Variants in EPS15 observed in about 807,000 individuals in gnomAD.
EPS15 encodes the protein epidermal growth factor receptor substrate 15.
In EPS15, 72 loss-of-function variants were observed where a neutral mutation model predicts 113.8. The observed-to-expected ratio is 0.63, with a 90% CI of 0.52 to 0.77. EPS15 has a LOEUF of 0.77. EPS15 is among the 30% of genes least tolerant of loss of function. The pLI is 0.00. For missense variants in EPS15, 1,048 were observed against 1,045.8 expected, an observed-to-expected ratio of 1.00 and a Z score of -0.03; for synonymous variants, 344 against 363.4, an observed-to-expected ratio of 0.95 and a Z score of 0.61.
intron 13 of EPS15, among the ~76,000 whole-genome samples, chr1:51,420,896 T>G (rs1425173141): frequency 2.0e-5 from 3 of 152,142 alleles, no homozygotes; most frequent in Non-Finnish European, 4.4e-5. Flanking sequence ...TTAGAGTTTT[T>G]CCCTACTTAA....
chr1:51,397,435 G>A (rs1648060040), intron 20 of EPS15, among the ~76,000 whole-genome samples: 1 of 152,146 alleles, frequency 6.6e-6, no homozygotes, highest in Non-Finnish European at 1.5e-5. Flanking sequence ...CAGGACAAGA[G>A]GAATGTATTC....
chr1:51,489,796 C>T (rs1644198475), intron 1 of EPS15, among the ~76,000 whole-genome samples: 1 of 152,098 alleles, frequency 6.6e-6, no homozygotes, highest in African/African-American at 2.4e-5. Flanking sequence ...GCTTCAACAG[C>T]TATTGTGTGT....
intron 12 of EPS15, among the ~76,000 whole-genome samples, chr1:51,424,331 A>G (rs1651025350): frequency 1.3e-5 from 2 of 152,158 alleles, no homozygotes; most frequent in Non-Finnish European, 2.9e-5. Context: ...CTTTATAACT[A>G]TTCTTCTCAT....
intron 21 of EPS15, among the ~76,000 whole-genome samples, chr1:51,375,645 C>T (rs921057027): frequency 2.0e-5 from 3 of 152,186 alleles, no homozygotes; most frequent in African/African-American, 7.2e-5. Context: ...ATACATATCT[C>T]TTTTTCCCCA....
intron 1 of EPS15, among the ~76,000 whole-genome samples, chr1:51,507,203 T>A (rs533989532): frequency 3.3e-5 from 5 of 152,138 alleles, no homozygotes; most frequent in South Asian, 2.1e-4. Flanking sequence ...CAGAAAAAAA[T>A]TTATCAAATG....
chr1:51,487,356 ATT>A (rs1644144296), intron 1 of EPS15, among the ~76,000 whole-genome samples: 1 of 152,174 alleles, frequency 6.6e-6, no homozygotes, highest in South Asian at 2.1e-4. Flanking sequence ...TGTTTTAGAA[ATT>A]GTTTTTGAAA....
chr1:51,445,256 A>G (rs1320177537), intron 10 of EPS15, among the ~76,000 whole-genome samples: 1 of 152,238 alleles, frequency 6.6e-6, no homozygotes, highest in Non-Finnish European at 1.5e-5. Flanking sequence ...GGTGCTGAGC[A>G]GGAGCCTCTA....
chr1:51,419,287 A>C (rs1392663504), intron 13 of EPS15, among the ~76,000 whole-genome samples: 1 of 152,188 alleles, frequency 6.6e-6, no homozygotes, highest in African/African-American at 2.4e-5. Context: ...AATCCTAAAC[A>C]GAAAGTTTTC....
At chr1:51,451,256 A>G (rs1490409621) in intron 8 of EPS15, among the ~76,000 whole-genome samples, 1 of 151,838 alleles carries the variant, frequency 6.6e-6, no homozygotes, top group African/African-American at 2.4e-5. Context: ...TGGGAGGCTG[A>G]GGTGGGTGGA....
chr1:51,405,197 T>A (rs998065902), intron 16 of EPS15, among the ~76,000 whole-genome samples: 1 of 152,214 alleles, frequency 6.6e-6, no homozygotes, highest in South Asian at 2.1e-4. Context: ...TGTAGGCTGC[T>A]TGAAGGAAAG....
In EPS15 at chr1:51,361,231, A is replaced by C. The variant is rs750299817; in HGVS notation, c.2484T>G (p.Thr828=). 6.2e-7 allele frequency: 1 copy of C among 1,614,088 alleles called. No individual in the cohort carries two copies. Among genetic ancestry groups the C allele is most frequent in the South Asian group, 1.1e-5 (1 of 91,078 alleles). ...CTTTATTGGTAGTGGTAGTAGCAGA[A>C]GTGAATGGATCACAAAATATTTCAG... The part of the protein sequence containing the change: ...KDPEIFCDPF[T]SATTTTNKEA... Residue 828 remains threonine (T), a synonymous_variant, in exon 24 of 25, where the codon ACT becomes ACG. Transcript: ENST00000371733.
intron 3 of EPS15, 102 bp downstream of exon 3, chr1:51,472,757 C>T (rs1423648875): frequency 1.8e-5 from 16 of 867,928 alleles, no homozygotes; most frequent in Non-Finnish European, 2.8e-5. Context: ...TCGGTTCTAA[C>T]TTCTAAATTT....
chr1:51,428,506 TAC>T (rs1261303973), intron 12 of EPS15, among the ~76,000 whole-genome samples: 2 of 152,132 alleles, frequency 1.3e-5, no homozygotes. Flanking sequence ...GGAGTTCTGA[TAC>T]AGTTTGTGAC....
chr1:51,435,022 T>C (rs1476651578), intron 12 of EPS15, among the ~76,000 whole-genome samples: 4 of 151,758 alleles, frequency 2.6e-5, no homozygotes, highest in Non-Finnish European at 5.9e-5. Context: ...ATGGTTAAGA[T>C]GATAAATTAC....
chr1:51,399,499 C>A (rs895260680), intron 19 of EPS15, among the ~76,000 whole-genome samples: 10 of 150,468 alleles, frequency 6.6e-5, no homozygotes, highest in Non-Finnish European at 1.3e-4. Flanking sequence ...CTGCAGTGAG[C>A]AAAGATCTGC....
At chr1:51,505,224 G>C (rs763726705) in intron 1 of EPS15, among the ~76,000 whole-genome samples, 1 of 152,026 alleles carries the variant, frequency 6.6e-6, no homozygotes, top group Non-Finnish European at 1.5e-5. Context: ...ACAAAACCTT[G>C]TATATGAATG....
At chr1:51,397,439 T>C (rs1317427810) in intron 20 of EPS15, among the ~76,000 whole-genome samples, 1 of 152,190 alleles carries the variant, frequency 6.6e-6, no homozygotes, top group Non-Finnish European at 1.5e-5. Flanking sequence ...ACAAGAGGAA[T>C]GTATTCATTT....
intron 1 of EPS15, among the ~76,000 whole-genome samples, chr1:51,508,193 G>GA (rs756851157): frequency 2.4e-5 from 1 of 41,180 alleles, no homozygotes; most frequent in African/African-American, 8.1e-5. Context: ...AAAGAGAAAA[G>GA]AAAAGAAAAG....
intron 14 of EPS15, 118 bp downstream of exon 14, chr1:51,409,417 T>C (rs1649476058): frequency 5.4e-6 from 5 of 930,544 alleles, no homozygotes; most frequent in Non-Finnish European, 8.0e-6. Context: ...TGAACCCAAA[T>C]GCTGACTGGA....
Sources: allele counts gnomAD v4.1 joint callset (sites outside exome capture counted in the v4.1 genomes callset), GRCh38; gene constraint gnomAD v4.1.1; transcripts MANE v1.5; gene names NCBI Gene and HGNC (gene_info 2026-07-23, HGNC 2026-07-21).